Variants in COG1 observed in about 807,000 individuals in gnomAD.
COG1 encodes the protein component of oligomeric golgi complex 1, also known as conserved oligomeric Golgi complex subunit 1.
COG1 carries 61 observed loss-of-function variants against 102.2 expected under a neutral mutation model. That is an observed-to-expected ratio of 0.60 (90% CI 0.49 to 0.74). The LOEUF (loss-of-function observed/expected upper bound fraction) is 0.74. Among genes scored for constraint, COG1 ranks in the 30% least tolerant of loss-of-function variants. The pLI is 0.00. For missense variants in COG1, 1,164 were observed against 1,232.1 expected, an observed-to-expected ratio of 0.94 and a Z score of 0.83; for synonymous variants, 454 against 493.6, an observed-to-expected ratio of 0.92 and a Z score of 1.06.
At chr17:73,203,466 C>A in intron 8 of COG1, 166 bp from the exon 9 acceptor site, 1 of 862,266 alleles carries the variant, frequency 1.2e-6, no homozygotes, top group Non-Finnish European at 1.9e-6. Context: ...GCAAATTGCA[C>A]TTAACCAGGG....
chr17:73,208,397 C>G lies in COG1; in HGVS notation c.2889C>G (p.Asn963Lys). 1 of 1,614,252 alleles carries G rather than the reference C, an allele frequency of 6.2e-7. No individual in the cohort carries two copies. The highest frequency in any genetic ancestry group is 8.5e-7 in the Non-Finnish European group (1 of 1,180,052). Residue 963 changes from asparagine (N) to lysine (K), a missense_variant, in exon 14 of 14, where the codon AAC becomes AAG. Coordinates refer to ENST00000299886, the MANE Select transcript of COG1 (RefSeq NM_018714.3). ...LFRQLVSEED[N>K]TSAPSLFKLG... ...GACAGCTTGTCAGTGAAGAAGACAA[C>G]ACGTCTGCACCTTCATTATTCAAAC...
rs1418503320 is a variant in COG1, at chr17:73,193,350, G to T, written c.281G>T (p.Gly94Val). ...DQYCARLRQA[G>V]SAAPRPPRAQ... Reference sequence around the variant, plus strand: ...TACTGCGCCCGCCTCCGCCAGGCCGGCTCGGCCGCGCCCCGGCCACCGCGG... The same window carrying T: ...TACTGCGCCCGCCTCCGCCAGGCCGTCTCGGCCGCGCCCCGGCCACCGCGG... The change falls in exon 1 of 14, where the codon GGC (glycine) becomes GTC (valine). Residue 94 changes from glycine (G) to valine (V), a missense_variant. Transcript: ENST00000299886. 3 of 1,505,540 alleles carry T rather than the reference G, an allele frequency of 2.0e-6. No individual in the cohort carries two copies. The highest frequency in any genetic ancestry group is 2.7e-6 in the Non-Finnish European group (3 of 1,131,034). The allele number at this position is 1,505,540 out of a possible 1,614,324, so 93.3% of individuals were successfully genotyped here.
chr17:73,206,022 G>A, intron 10 of COG1, 132 bp from the exon 11 acceptor site: 2 of 786,400 alleles, frequency 2.5e-6, no homozygotes, highest in Admixed American at 2.0e-5. Context: ...ACTATCATCA[G>A]TGACAAACGT....
intron 4 of COG1, among the ~76,000 whole-genome samples, chr17:73,197,811 AAGAC>A (rs774676138): frequency 2.2e-4 from 33 of 152,214 alleles, no homozygotes; most frequent in Non-Finnish European, 4.1e-4. Context: ...AAGAAACTGT[AAGAC>A]AGCCAGTGAG....
intron 4 of COG1, among the ~76,000 whole-genome samples, chr17:73,199,543 A>G (rs1207012631): frequency 6.6e-6 from 1 of 152,078 alleles, no homozygotes; most frequent in Non-Finnish European, 1.5e-5. Context: ...AAAACTTGAT[A>G]AGTTTTGGAA....
Position 73,201,754 on chromosome 17 carries a change from G to A in COG1, c.1927G>A (p.Ala643Thr). ...LGKSESSEKPAREFRALRKQG... is the reference protein window; with the variant it reads ...LGKSESSEKPTREFRALRKQG... ...AAAATCAGAGAGCTCAGAGAAACCA[G>A]CAAGGGAGTTTAGGGCTCTGAGAAA... Residue 643 changes from alanine (A) to threonine (T), a missense_variant, in exon 7 of 14, where the codon GCA becomes ACA. Physicochemically the swap from Ala to Thr is moderately conservative, Grantham distance 58. Transcript: ENST00000299886. 6 of 1,614,204 alleles carry A rather than the reference G, an allele frequency of 3.7e-6. No homozygotes were observed. The highest frequency in any genetic ancestry group is 1.6e-4 in the Middle Eastern group (1 of 6,062).
At chr17:73,198,597 A>G (rs1299070744) in intron 4 of COG1, among the ~76,000 whole-genome samples, 2 of 151,722 alleles carry the variant, frequency 1.3e-5, no homozygotes, top group African/African-American at 2.4e-5. Flanking sequence ...AAAAAAACGA[A>G]AGAGAGAAAA....
intron 9 of COG1, among the ~76,000 whole-genome samples, chr17:73,204,880 T>A (rs553511893): frequency 6.6e-6 from 1 of 151,934 alleles, no homozygotes; most frequent in South Asian, 2.1e-4. Context: ...AGAAGGAACA[T>A]GGTCAGGTGC....
rs1263846901 is a variant in COG1 at position 73,206,558 on chromosome 17, AAAGT to A, written c.2620-147_2620-144del. The A allele has an allele frequency of 7.0e-6, 5 of 712,596 alleles. No individual in the cohort carries two copies. The African/African-American group carries it at 7.1e-5, about 10-fold the overall frequency. 44.1% of individuals were successfully genotyped at this position (712,596 alleles called of 1,614,324 possible). A position where few individuals can be genotyped will look rare whatever the true frequency, so the allele number is the denominator to read the frequency against. On this transcript the variant is annotated intron_variant, in intron 11 of 13. Coordinates refer to ENST00000299886, the MANE Select transcript of COG1 (RefSeq NM_018714.3). ...GATTCTGACCTGTGGGCAGTGATAA[AAAGT>A]AATCGTGAAGCATAAATGCACTCAG...
intron 4 of COG1, among the ~76,000 whole-genome samples, chr17:73,199,057 A>G (rs2061336107): frequency 6.6e-6 from 1 of 152,180 alleles, no homozygotes; most frequent in African/African-American, 2.4e-5. Context: ...ATGGCTTTAG[A>G]AAGCAGTACA....
intron 13 of COG1, 54 bp downstream of exon 13, chr17:73,207,310 A>C (rs754706323): frequency 6.7e-7 from 1 of 1,501,430 alleles, no homozygotes. Context: ...CCTCCCACCG[A>C]GCCACCCATG....
chr17:73,194,467 ATTTC>A (rs1228930379), intron 1 of COG1, among the ~76,000 whole-genome samples: 7 of 130,784 alleles, frequency 5.4e-5, no homozygotes, highest in South Asian at 2.6e-4. Flanking sequence ...AAGAATTTTT[ATTTC>A]TTTATTTTTT....
rs761343140 is a variant in COG1, at chr17:73,200,566, G to T, written c.1071G>T (p.Met357Ile). 7 of 1,613,408 alleles carry T rather than the reference G, an allele frequency of 4.3e-6. No homozygotes were observed. Among genetic ancestry groups the T allele is most frequent in the Non-Finnish European group, 5.9e-6 (7 of 1,179,422 alleles). Residue 357 changes from methionine (M) to isoleucine (I), a missense_variant and splice_region_variant, in exon 6 of 14, where the codon ATG becomes ATT. Physicochemically the swap from Met to Ile is conservative, Grantham distance 10 (BLOSUM62 1). Coordinates refer to ENST00000299886, the MANE Select transcript of COG1 (RefSeq NM_018714.3). ...LKDTLQKWIH[M>I]CNEDIKNGIT... ...CCCAAAGAACATGATTCTGTTGCAGGTGTAATGAAGACATTAAAAATGGGA... is the reference window on the plus strand; with the variant it reads ...CCCAAAGAACATGATTCTGTTGCAGTTGTAATGAAGACATTAAAAATGGGA...
chr17:73,206,805 CCA>C lies in COG1; in HGVS notation c.2718_2719del (p.Gln908AspfsTer17). 1.2e-6 allele frequency: 2 copies of C among 1,613,326 alleles called. No individual in the cohort carries two copies. The highest frequency in any genetic ancestry group is 2.2e-5 in the South Asian group (2 of 91,054). On this transcript the variant is annotated frameshift_variant, in exon 12 of 14. Transcript: ENST00000299886. LOFTEE classifies it high-confidence loss of function. ...CCCCATAACATCCTGCCACTGGCAT[CCA>C]GTCAGATCAGGTAAAGGCTGCCAAG...
At chr17:73,203,282 T>C in intron 8 of COG1, 136 bp downstream of exon 8, 8 of 1,107,508 alleles carry the variant, frequency 7.2e-6, no homozygotes, top group Non-Finnish European at 1.1e-5. Context: ...TGTGGGGGCA[T>C]AGTAGATGTA....
chr17:73,207,934 TAA>T (rs879096929), intron 13 of COG1: 1,637 of 1,058,360 alleles, frequency 1.5e-3, no homozygotes, highest in South Asian at 5.7e-3. Flanking sequence ...GATGGTAGTT[TAA>T]AAAAAAAAAA....
chr17:73,208,213 T>C (rs1873403522), intron 13 of COG1, 101 bp from the exon 14 acceptor site: 1 of 1,599,078 alleles, frequency 6.3e-7, no homozygotes, highest in South Asian at 1.1e-5. Flanking sequence ...TCAGCTCCGC[T>C]TGTGTGTGCC....
chr17:73,204,413 T>G (rs904342550), intron 9 of COG1, among the ~76,000 whole-genome samples: 1 of 152,120 alleles, frequency 6.6e-6, no homozygotes, highest in Admixed American at 6.6e-5. Flanking sequence ...TGTGGGGAGT[T>G]AGAGAGAACA....
chr17:73,203,034 T>C lies in COG1; in HGVS notation c.2108T>C (p.Leu703Pro). 2 of 1,614,170 alleles carry C rather than the reference T, an allele frequency of 1.2e-6. No homozygotes were observed. Among genetic ancestry groups the C allele is most frequent in the Non-Finnish European group, 1.7e-6 (2 of 1,180,024 alleles). ...LIHGFTQSLL[L>P]DDAGSVLATA... ...CATGGATTCACCCAGTCATTACTTCTAGATGATGCTGGCTCAGTTCTGGCC... is the reference window on the plus strand; with the variant it reads ...CATGGATTCACCCAGTCATTACTTCCAGATGATGCTGGCTCAGTTCTGGCC... Residue 703 changes from leucine to proline, a missense_variant, in exon 8 of 14, where the codon CTA (leucine) becomes CCA (proline). Coordinates refer to ENST00000299886, the MANE Select transcript of COG1 (RefSeq NM_018714.3).
Sources: allele counts gnomAD v4.1 joint callset (sites outside exome capture counted in the v4.1 genomes callset), GRCh38; gene constraint gnomAD v4.1.1; transcripts MANE v1.5; gene names NCBI Gene and HGNC (gene_info 2026-07-23, HGNC 2026-07-21).